Variants in OSBPL10 observed in about 807,000 individuals in gnomAD.
OSBPL10 encodes oxysterol-binding protein-related protein 10.
Under a neutral mutation model 81.7 loss-of-function variants are expected in OSBPL10, and 49 were observed. The ratio of observed to expected loss-of-function variants is 0.60; its 90% CI spans 0.48 to 0.76. The LOEUF (loss-of-function observed/expected upper bound fraction) is 0.76. Ranked by LOEUF, OSBPL10 falls within the 30% of genes least tolerant of loss-of-function variation. OSBPL10 has a pLI of 0.00. For synonymous variants in OSBPL10, 419 were observed against 383.6 expected, an observed-to-expected ratio of 1.09 and a Z score of -1.08; for missense variants, 923 against 987.8, an observed-to-expected ratio of 0.93 and a Z score of 0.88.
chr3:31,817,068 G>A (rs1699855098), intron 4 of OSBPL10, among the ~76,000 whole-genome samples: 1 of 152,168 alleles, frequency 6.6e-6, no homozygotes, highest in Non-Finnish European at 1.5e-5. Flanking sequence ...CTGAGCCCAG[G>A]GCTTTTATGG....
intron 3 of OSBPL10, among the ~76,000 whole-genome samples, chr3:31,866,925 GTTCA>G (rs367916441): frequency 4.5e-4 from 69 of 152,262 alleles, no homozygotes; most frequent in Non-Finnish European, 9.1e-4. Flanking sequence ...AACTTTTGCT[GTTCA>G]TTCAAGACCC....
intron 1 of OSBPL10, among the ~76,000 whole-genome samples, chr3:32,067,580 G>C (rs562248668): frequency 2.0e-5 from 3 of 152,188 alleles, no homozygotes; most frequent in Non-Finnish European, 4.4e-5. Flanking sequence ...TAGCCTTACT[G>C]ATGACATTCC....
At chr3:31,691,139 T>C (rs1695528115) in intron 7 of OSBPL10, among the ~76,000 whole-genome samples, 1 of 152,094 alleles carries the variant, frequency 6.6e-6, no homozygotes, top group Non-Finnish European at 1.5e-5. Flanking sequence ...TGCCTTTTCT[T>C]CCGTTAACAT....
At chr3:31,759,828 C>A (rs894304715) in intron 4 of OSBPL10, among the ~76,000 whole-genome samples, 1 of 152,052 alleles carries the variant, frequency 6.6e-6, no homozygotes, top group African/African-American at 2.4e-5. Flanking sequence ...GGCACGATCT[C>A]GGCTTACTGC....
At chr3:32,017,196 C>T (rs987435282) in intron 2 of OSBPL10, among the ~76,000 whole-genome samples, 14 of 152,104 alleles carry the variant, frequency 9.2e-5, no homozygotes, top group African/African-American at 2.4e-4. Flanking sequence ...CTTCTGGAAA[C>T]GCTACGAGGC....
At chr3:31,926,982 A>T (rs919610210) in intron 1 of OSBPL10, among the ~76,000 whole-genome samples, 1 of 152,100 alleles carries the variant, frequency 6.6e-6, no homozygotes, top group Admixed American at 6.6e-5. Flanking sequence ...ATGGTGGCAC[A>T]TGCCTGTAAT....
At chr3:31,663,704 T>C (rs902121672) in intron 11 of OSBPL10, 1 of 1,128,794 alleles carries the variant, frequency 8.9e-7, no homozygotes. Flanking sequence ...TGTGAGGCAC[T>C]CCTCAACTAA....
chr3:31,979,841 T>C (rs1227560180), intron 1 of OSBPL10, among the ~76,000 whole-genome samples: 1 of 152,028 alleles, frequency 6.6e-6, no homozygotes. Context: ...AGCCCCATCC[T>C]TCCACGTGTC....
chr3:31,866,139 G>A (rs7624739), intron 3 of OSBPL10, among the ~76,000 whole-genome samples: 22,199 of 152,106 alleles, frequency 0.15, 1,737 homozygotes, highest in East Asian at 0.23. Context: ...CTAGATTGGC[G>A]GGAGGAACAA....
intron 2 of OSBPL10, among the ~76,000 whole-genome samples, chr3:32,011,753 C>T (rs1355622501): frequency 1.3e-5 from 2 of 152,142 alleles, no homozygotes; most frequent in African/African-American, 4.8e-5. Flanking sequence ...CCTTAAAGGA[C>T]CTCATGGAGC....
chr3:32,020,551 A>G (rs563250393), intron 2 of OSBPL10, among the ~76,000 whole-genome samples: 5 of 152,304 alleles, frequency 3.3e-5, no homozygotes, highest in Non-Finnish European at 7.4e-5. Context: ...TAATTAATTG[A>G]CATTTGGATT....
intron 6 of OSBPL10, among the ~76,000 whole-genome samples, chr3:31,721,812 T>C (rs753168049): frequency 2.0e-5 from 3 of 152,210 alleles, no homozygotes; most frequent in Non-Finnish European, 4.4e-5. Context: ...GGACTTACTA[T>C]TGAGTGCCAG....
rs544838789 is a variant in OSBPL10 at position 31,968,426 on chromosome 3, CAG to C, written c.281+12471_281+12472del. On this transcript the variant is annotated intron_variant, in intron 1 of 11. Transcript: ENST00000396556. ...AAAAGGAAGCAAGCCTTCAGATAAA[CAG>C]AAATTCAGACCATTCCATGACATGA... 2.5e-4 allele frequency among the ~76,000 whole-genome samples: 38 copies of C among 151,070 alleles called. No individual in the cohort carries two copies. The East Asian group carries it at 7.4e-3, about 29-fold the overall frequency.
chr3:31,869,781 A>G (rs77889790), intron 3 of OSBPL10, among the ~76,000 whole-genome samples: 1 of 152,194 alleles, frequency 6.6e-6, no homozygotes, highest in Admixed American at 6.5e-5. Context: ...CCATTTTCTA[A>G]TTTATAAAAA....
chr3:31,965,136 A>G (rs112826083), intron 1 of OSBPL10, among the ~76,000 whole-genome samples: 27 of 151,900 alleles, frequency 1.8e-4, no homozygotes, highest in East Asian at 1.4e-3. Context: ...TTGGGAGGCC[A>G]AGGTGGGCGG....
chr3:31,733,515 C>T (rs1697039400), intron 5 of OSBPL10, 104 bp from the exon 6 acceptor site: 6 of 1,427,330 alleles, frequency 4.2e-6, no homozygotes, highest in Non-Finnish European at 5.9e-6. Flanking sequence ...TTGAAAAGGG[C>T]ATGAGGTAAA....
chr3:31,906,146 C>T (rs904883098), intron 1 of OSBPL10, among the ~76,000 whole-genome samples: 5 of 152,164 alleles, frequency 3.3e-5, no homozygotes, highest in African/African-American at 1.2e-4. Flanking sequence ...ATCTATTTCA[C>T]GATCAGGGAA....
At position 31,664,189 on chromosome 3, in the gene OSBPL10, T is replaced by C. The variant is rs1287397847; in HGVS notation, c.2140A>G (p.Ile714Val). 1 of 1,613,020 alleles carries C rather than the reference T, an allele frequency of 6.2e-7. No homozygotes were observed. The highest frequency in any genetic ancestry group is 8.5e-7 in the Non-Finnish European group (1 of 1,179,988). ...CGCTTCTGCTCGGTGGCTGCGTCAA[T>C]GTCCCCCAGCCGCAGGTATCGGGTC... is the stretch of plus-strand genomic sequence containing the variant. ...EVTRYLRLGD[I>V]DAATEQKRHL... The change falls in exon 11 of 12, where the codon ATT becomes GTT. Residue 714 changes from isoleucine (I) to valine (V), a missense_variant. By Grantham distance (29) the Ile-to-Val change is conservative. Coordinates refer to ENST00000396556, the MANE Select transcript of OSBPL10 (RefSeq NM_017784.5).
intron 4 of OSBPL10, among the ~76,000 whole-genome samples, chr3:31,819,820 G>A (rs990636239): frequency 8.5e-5 from 13 of 152,194 alleles, no homozygotes; most frequent in Non-Finnish European, 1.6e-4. Flanking sequence ...TTCATTATTA[G>A]TTGTCTTTAA....
Sources: gnomAD v4.1 joint callset for allele counts (sites outside exome capture counted in the v4.1 genomes callset) on GRCh38, gnomAD v4.1.1 for gene constraint, MANE v1.5 for transcripts, NCBI Gene and HGNC (gene_info 2026-07-23, HGNC 2026-07-21) for gene names.